The following PHLPP2 variants were observed in gnomAD, a reference collection of about 807,000 sequenced individuals.
The protein encoded by PHLPP2 is PH domain leucine-rich repeat-containing protein phosphatase 2.
A neutral mutation model predicts 124.9 loss-of-function variants in PHLPP2; 66 were observed. The observed-to-expected ratio is 0.53, with a 90% CI of 0.43 to 0.65. The LOEUF (loss-of-function observed/expected upper bound fraction) is 0.65, where lower values mean the gene tolerates loss of function less well. PHLPP2 is among the 30% of genes least tolerant of loss of function. The pLI, the probability that PHLPP2 is intolerant of heterozygous loss-of-function variation, is 0.00. For synonymous variants in PHLPP2, 681 were observed against 624.7 expected, an observed-to-expected ratio of 1.09 and a Z score of -1.34; for missense variants, 1,685 against 1,600.4, an observed-to-expected ratio of 1.05 and a Z score of -0.90.
At chr16:71,719,443 G>C (rs140519453) in intron 1 of PHLPP2, among the ~76,000 whole-genome samples, 15,018 of 152,256 alleles carry the variant, frequency 0.099, 812 homozygotes, top group African/African-American at 0.15. Context: ...TGGAGGCTGA[G>C]GCATGAGAAT....
rs1352159406 is a variant in PHLPP2, at chr16:71,714,662, G to T, written c.134C>A (p.Thr45Lys). 1 of 1,613,476 alleles carries T rather than the reference G, an allele frequency of 6.2e-7. No individual in the cohort carries two copies. Among genetic ancestry groups the T allele is most frequent in the South Asian group, 1.1e-5 (1 of 91,012 alleles). ...AGAGGAAGAGGAGGTGGTGGTGGTT[G>T]TAGTGGCAGTGGTAGTGTCTGCTCC... ...LYGADTTTAT[T>K]TTTTSSSSSS... The change falls in exon 2 of 19, where the codon ACA becomes AAA. Residue 45 changes from threonine to lysine, a missense_variant. Transcript: ENST00000568954.
At chr16:71,659,138 T>C (rs992091123) in intron 13 of PHLPP2, among the ~76,000 whole-genome samples, 56 of 152,234 alleles carry the variant, frequency 3.7e-4, no homozygotes, top group African/African-American at 1.2e-3. Context: ...TCTTGATGCT[T>C]GCTTTACCAC....
chr16:71,660,423 T>A (rs1298416820), intron 13 of PHLPP2, among the ~76,000 whole-genome samples: 1 of 11,968 alleles, frequency 8.4e-5, no homozygotes, highest in Non-Finnish European at 1.4e-4. Context: ...TACACTGTAT[T>A]TTTTTTTTTT....
chr16:71,695,788 C>G (rs1304395655), intron 3 of PHLPP2, among the ~76,000 whole-genome samples: 1 of 151,336 alleles, frequency 6.6e-6, no homozygotes, highest in Non-Finnish European at 1.5e-5. Context: ...AAGACAAACT[C>G]TTGGGTGAAA....
At chr16:71,708,367 C>A (rs892937351) in intron 2 of PHLPP2, among the ~76,000 whole-genome samples, 7 of 152,308 alleles carry the variant, frequency 4.6e-5, no homozygotes, top group African/African-American at 1.4e-4. Flanking sequence ...AGCTCCTCCA[C>A]TGAGCATCTT....
At chr16:71,656,080 G>T (rs2044739787) in intron 16 of PHLPP2, among the ~76,000 whole-genome samples, 1 of 149,020 alleles carries the variant, frequency 6.7e-6, no homozygotes, top group African/African-American at 2.4e-5. Context: ...TGAAAAAGTT[G>T]AGTTTATTAC....
At chr16:71,698,447 C>T in intron 3 of PHLPP2, 1 of 739,628 alleles carries the variant, frequency 1.4e-6, no homozygotes, top group Non-Finnish European at 2.4e-6. Flanking sequence ...GACATGGTAA[C>T]TTGGCCAATG....
At chr16:71,706,409 C>T (rs1047819981) in intron 2 of PHLPP2, among the ~76,000 whole-genome samples, 8 of 152,122 alleles carry the variant, frequency 5.3e-5, no homozygotes, top group African/African-American at 1.9e-4. Flanking sequence ...TATCATTTCA[C>T]AAGAGTTTTA....
At chr16:71,715,991 C>CAA (rs372460382) in intron 1 of PHLPP2, among the ~76,000 whole-genome samples, 23 of 98,404 alleles carry the variant, frequency 2.3e-4, no homozygotes, top group South Asian at 3.5e-4. Flanking sequence ...GACTCTGTCT[C>CAA]AAAAAAAAAA....
At chr16:71,672,215 C>G in intron 10 of PHLPP2, 47 bp downstream of exon 10, 1 of 1,406,418 alleles carries the variant, frequency 7.1e-7, no homozygotes, top group Non-Finnish European at 1.0e-6. Context: ...CCACATGTAT[C>G]TCTTAAATAG....
intron 11 of PHLPP2, among the ~76,000 whole-genome samples, chr16:71,668,827 A>G (rs1037795704): frequency 2.6e-5 from 4 of 152,218 alleles, no homozygotes; most frequent in Non-Finnish European, 5.9e-5. Flanking sequence ...GTAACCTTCA[A>G]CAAGTTACCT....
intron 18 of PHLPP2, among the ~76,000 whole-genome samples, chr16:71,650,847 A>G (rs922906868): frequency 1.3e-5 from 2 of 152,258 alleles, no homozygotes; most frequent in Non-Finnish European, 2.9e-5. Context: ...CATCTGTAAA[A>G]TGAAAATGGG....
chr16:71,690,462 G>A, intron 4 of PHLPP2, 57 bp downstream of exon 4: 1 of 1,153,478 alleles, frequency 8.7e-7, no homozygotes, highest in Non-Finnish European at 1.3e-6. Context: ...AGCATTATGT[G>A]ATATTTTCTT....
chr16:71,669,997 C>T (rs558834397), intron 10 of PHLPP2, among the ~76,000 whole-genome samples: 97 of 152,232 alleles, frequency 6.4e-4, no homozygotes, highest in Non-Finnish European at 1.3e-3. Context: ...AAGAGAAACA[C>T]ACATATTGCT....
At chr16:71,672,070 C>T (rs918309409) in intron 10 of PHLPP2, among the ~76,000 whole-genome samples, 192 bp downstream of exon 10, 4 of 152,204 alleles carry the variant, frequency 2.6e-5, no homozygotes, top group African/African-American at 9.7e-5. Flanking sequence ...AGACACCTTA[C>T]TATTTCAAGA....
chr16:71,656,109 G>C (rs912332777), intron 16 of PHLPP2, among the ~76,000 whole-genome samples: 1 of 152,128 alleles, frequency 6.6e-6, no homozygotes, highest in African/African-American at 2.4e-5. Context: ...GCAAATGAGA[G>C]TGCACCCCAT....
intron 4 of PHLPP2, among the ~76,000 whole-genome samples, chr16:71,685,007 G>A (rs2045040395): frequency 6.6e-6 from 1 of 152,086 alleles, no homozygotes; most frequent in Admixed American, 6.5e-5. Context: ...GCGGTGGCAG[G>A]AATTCACAGC....
chr16:71,715,107 T>C lies in PHLPP2; in HGVS notation c.-6-306A>G, dbSNP rs2045353184. ...TGGCTCAGGCCTGTAATCCCAGCAC[T>C]TTGGGGGGCCAAGGTAAGAGGACTG... On this transcript the variant is annotated intron_variant, in intron 1 of 18. Transcript: ENST00000568954. The C allele has an allele frequency of 1.8e-5, 6 of 324,912 alleles. No individual in the cohort carries two copies. In the South Asian group the frequency reaches 2.0e-4, roughly 11 times the overall value. The allele number at this position is 324,912 out of a possible 1,614,324, so 20.1% of individuals were successfully genotyped here.
intron 6 of PHLPP2, among the ~76,000 whole-genome samples, chr16:71,680,711 C>T (rs2044989156): frequency 6.6e-6 from 1 of 152,150 alleles, no homozygotes. Flanking sequence ...CACTGTAACG[C>T]TTCTCTTCCA....
Sources: allele counts gnomAD v4.1 joint callset (sites outside exome capture counted in the v4.1 genomes callset), GRCh38; gene constraint gnomAD v4.1.1; transcripts MANE v1.5; gene names NCBI Gene and HGNC (gene_info 2026-07-23, HGNC 2026-07-21).